HDLBP: variants seen among roughly 807,000 people sequenced by gnomAD.
HDLBP encodes the protein vigilin.
HDLBP carries 30 observed loss-of-function variants against 137.3 expected under a neutral mutation model. The ratio of observed to expected loss-of-function variants is 0.22; its 90% CI spans 0.16 to 0.30. The LOEUF (loss-of-function observed/expected upper bound fraction) is 0.30, where lower values mean the gene tolerates loss of function less well. HDLBP is among the 10% of genes least tolerant of loss of function. The probability of loss-of-function intolerance (pLI) is 1.00; values close to 1 mark genes in which losing one functional copy is unlikely to be tolerated. For synonymous variants in HDLBP, 606 were observed against 596.0 expected, an observed-to-expected ratio of 1.02 and a Z score of -0.24; for missense variants, 1,119 against 1,667.3, an observed-to-expected ratio of 0.67 and a Z score of 5.73.
intron 5 of HDLBP, among the ~76,000 whole-genome samples, chr2:241,261,873 C>T (rs1169810606): frequency 1.3e-5 from 2 of 152,308 alleles, no homozygotes; most frequent in African/African-American, 2.4e-5. Context: ...AAATCCCCAT[C>T]GTCCAATCAC....
chr2:241,293,367 C>T (rs1485080532), intron 1 of HDLBP, among the ~76,000 whole-genome samples: 1 of 151,992 alleles, frequency 6.6e-6, no homozygotes, highest in Non-Finnish European at 1.5e-5. Context: ...TGATGGCACA[C>T]ACCTGTAGTC....
chr2:241,278,987 T>C (rs576777941), intron 1 of HDLBP, among the ~76,000 whole-genome samples: 72 of 152,302 alleles, frequency 4.7e-4, no homozygotes, highest in Admixed American at 9.2e-4. Context: ...ATCACGCCAC[T>C]GCACTGCCGC....
chr2:241,308,840 C>T (rs572516014), intron 1 of HDLBP, among the ~76,000 whole-genome samples: 2 of 152,264 alleles, frequency 1.3e-5, no homozygotes, highest in East Asian at 1.9e-4. Flanking sequence ...CACTTCACCA[C>T]GATCCACCAC....
intron 1 of HDLBP, among the ~76,000 whole-genome samples, chr2:241,282,902 G>C (rs2074659107): frequency 6.6e-6 from 1 of 152,170 alleles, no homozygotes; most frequent in Non-Finnish European, 1.5e-5. Context: ...TCAAGTGAAA[G>C]GAAGAGCTGC....
rs1333629097 is a variant in HDLBP at position 241,236,746 on chromosome 2, G to C, written c.2773C>G (p.Gln925Glu). 6.2e-7 allele frequency: 1 copy of C among 1,614,114 alleles called. No homozygotes were observed. Among genetic ancestry groups the C allele is most frequent in the Non-Finnish European group, 8.5e-7 (1 of 1,180,012 alleles). Residue 925 changes from glutamine to glutamate, a missense_variant, in exon 21 of 28, where the codon CAG becomes GAG. Physicochemically the swap from Gln to Glu is conservative, Grantham distance 29. Transcript: ENST00000310931. ...TCCCCAGCTTCGTCCCCATTCTCCTGGACAACTGGCTCTGTACTGTGAACT... is the reference window on the plus strand; with the variant it reads ...TCCCCAGCTTCGTCCCCATTCTCCTCGACAACTGGCTCTGTACTGTGAACT... ...NAVHSTEPVV[Q>E]ENGDEAGEGR... is the part of the protein sequence containing the mutation.
chr2:241,265,775 G>C (rs931297440), intron 3 of HDLBP, among the ~76,000 whole-genome samples: 1 of 152,134 alleles, frequency 6.6e-6, no homozygotes, highest in Non-Finnish European at 1.5e-5. Context: ...CCATCTACCC[G>C]ACAGCGCTGA....
At position 241,239,791 on chromosome 2, in the gene HDLBP, C is replaced by T. The variant is rs755451576; in HGVS notation, c.2421G>A (p.Val807=). ...LDNVVEDSML[V]DPKHHRHFVI... ...CGAAGTGGCGGTGGTGCTTGGGGTC[C>T]ACCAGCATGGAGTCTTCCACCACAT... Residue 807 remains valine, a synonymous_variant, in exon 19 of 28, where the codon GTG becomes GTA. Transcript: ENST00000310931. This position sits in a 1 kb window ranked among gnomAD's most constrained non-coding sequence, Gnocchi z 4.6. 10 of 1,613,948 alleles carry T rather than the reference C, an allele frequency of 6.2e-6. No individual in the cohort carries two copies. The Admixed American group carries it at 1.5e-4, about 24-fold the overall frequency.
Position 241,238,655 on chromosome 2 carries a change from TCTC to T in HDLBP, c.2740_2742del (p.Glu914del). On this transcript the variant is annotated inframe_deletion, in exon 20 of 28. Coordinates refer to ENST00000310931, the MANE Select transcript of HDLBP (RefSeq NM_005336.6). The surrounding 1 kb of genome is among the most constrained non-coding windows in gnomAD (Gnocchi z 4.9). ...GGGCTAATGGGGGACCCACCTGCGT[TCTC>T]CTCTCTGTCTGGGAATTTAATTTGA... 6.4e-7 allele frequency: 1 copy of T among 1,567,940 alleles called. No individual in the cohort carries two copies. Among genetic ancestry groups the T allele is most frequent in the South Asian group, 1.2e-5 (1 of 86,062 alleles).
At chr2:241,314,679 C>G (rs1443973016) in intron 1 of HDLBP, among the ~76,000 whole-genome samples, 1 of 152,196 alleles carries the variant, frequency 6.6e-6, no homozygotes, top group Admixed American at 6.5e-5. Flanking sequence ...AAGTCTGACC[C>G]TCTCATTTTT....
intron 1 of HDLBP, among the ~76,000 whole-genome samples, chr2:241,297,823 C>A (rs1234684081): frequency 2.6e-5 from 4 of 151,872 alleles, no homozygotes; most frequent in African/African-American, 9.7e-5. Flanking sequence ...GAGGCCAAGG[C>A]GGGTGGATCA....
At chr2:241,294,045 C>A (rs1261887099) in intron 1 of HDLBP, among the ~76,000 whole-genome samples, 1 of 151,972 alleles carries the variant, frequency 6.6e-6, no homozygotes, top group East Asian at 1.9e-4. Context: ...GAAAAGAACA[C>A]ACACCCGAGA....
chr2:241,228,967 G>A lies in HDLBP; in HGVS notation c.*634C>T, dbSNP rs1012847789. The A allele has an allele frequency of 1.3e-5, 2 of 153,116 alleles. No homozygotes were observed. The highest frequency in any genetic ancestry group is 1.3e-4 in the Admixed American group (2 of 15,334). The allele number at this position is 153,116 out of a possible 1,614,324, so 9.5% of individuals were successfully genotyped here. A position where few individuals can be genotyped will look rare whatever the true frequency, so the allele number is the denominator to read the frequency against. On this transcript the variant is annotated 3_prime_UTR_variant, in exon 28 of 28. Coordinates refer to ENST00000310931, the MANE Select transcript of HDLBP (RefSeq NM_005336.6). ...GTGGAGGTAGGGGCAGGGACCCTTGGTGCTTTCAGACCCCACGGCAGGTAA... is the reference window on the plus strand; with the variant it reads ...GTGGAGGTAGGGGCAGGGACCCTTGATGCTTTCAGACCCCACGGCAGGTAA...
chr2:241,276,877 G>A (rs577982672), intron 1 of HDLBP, among the ~76,000 whole-genome samples: 66 of 152,078 alleles, frequency 4.3e-4, no homozygotes, highest in Non-Finnish European at 7.8e-4. Flanking sequence ...CACAGGTTAT[G>A]GGATTGGAAA....
chr2:241,308,412 CAA>C (rs1465563160), intron 1 of HDLBP, among the ~76,000 whole-genome samples: 1 of 152,174 alleles, frequency 6.6e-6, no homozygotes, highest in Non-Finnish European at 1.5e-5. Flanking sequence ...GGCACCCAGG[CAA>C]AAGTGATGAG....
At chr2:241,252,017 C>G (rs984115234) in intron 11 of HDLBP, among the ~76,000 whole-genome samples, 6 of 152,100 alleles carry the variant, frequency 3.9e-5, no homozygotes, top group African/African-American at 1.2e-4. Flanking sequence ...GGACCTGCAG[C>G]AGAATGCCCA....
intron 3 of HDLBP, among the ~76,000 whole-genome samples, chr2:241,264,986 A>G (rs1574966347): frequency 2.0e-5 from 3 of 152,368 alleles, no homozygotes; most frequent in Non-Finnish European, 2.9e-5. Context: ...AACACACTTA[A>G]AAAAATCACA....
In HDLBP at chr2:241,228,763, A is replaced by C. The variant is rs1021224591; in HGVS notation, c.*838T>G. On this transcript the variant is annotated 3_prime_UTR_variant, in exon 28 of 28. Transcript: ENST00000310931. ...AGGGGCTGCAGGTGGTGTGAAGAAG[A>C]GCCCAGCTGTCATCTAAGGCAAACT... 2.0e-5 allele frequency: 3 copies of C among 152,938 alleles called. No individual in the cohort carries two copies. The highest frequency in any genetic ancestry group is 4.4e-5 in the Non-Finnish European group (3 of 68,264). The allele number at this position is 152,938 out of a possible 1,614,324, so 9.5% of individuals were successfully genotyped here.
Position 241,229,163 on chromosome 2 carries a change from G to A in HDLBP, c.*438C>T, listed in dbSNP as rs895039980. ...TGCACTCCACAAACAGGACTGTCTG[G>A]ACCAAGGGAAACTGGCAGGAGGGAG... On this transcript the variant is annotated 3_prime_UTR_variant, in exon 28 of 28. Transcript: ENST00000310931. 2 of 203,908 alleles carry A rather than the reference G, an allele frequency of 9.8e-6. No homozygotes were observed. The highest frequency in any genetic ancestry group is 4.7e-5 in the African/African-American group (2 of 42,152). 12.6% of individuals were successfully genotyped at this position (203,908 alleles called of 1,614,324 possible).
chr2:241,302,673 G>A (rs1015062909), intron 1 of HDLBP: 1 of 152,244 alleles, frequency 6.6e-6, no homozygotes, highest in Non-Finnish European at 1.5e-5. Flanking sequence ...GTCCTTTTGG[G>A]ATAAGAGCCC....
Sources: allele counts gnomAD v4.1 joint callset (sites outside exome capture counted in the v4.1 genomes callset), GRCh38; gene constraint gnomAD v4.1.1; non-coding constraint Gnocchi (gnomAD v3.1); transcripts MANE v1.5; gene names NCBI Gene and HGNC (gene_info 2026-07-23, HGNC 2026-07-21).